The following LMCD1 variants were observed in gnomAD, a reference collection of about 807,000 sequenced individuals.
LMCD1 encodes LIM and cysteine rich domains 1.
Under a neutral mutation model 42.7 loss-of-function variants are expected in LMCD1, and 32 were observed. The ratio of observed to expected loss-of-function variants is 0.75; its 90% CI spans 0.57 to 1.01. The LOEUF (loss-of-function observed/expected upper bound fraction) is 1.01, where lower values mean the gene tolerates loss of function less well. Among genes scored for constraint, LMCD1 ranks in the 50% least tolerant of loss-of-function variants. The pLI is 0.00. For missense variants in LMCD1, 458 were observed against 483.1 expected (o/e 0.95, Z 0.49); for synonymous variants, 178 against 184.9 (o/e 0.96, Z 0.30).
chr3:8,533,177 G>A (rs111677542), intron 2 of LMCD1, among the ~76,000 whole-genome samples: 470 of 152,202 alleles, frequency 3.1e-3, no homozygotes, highest in Non-Finnish European at 4.9e-3. Flanking sequence ...TGGATGGGGT[G>A]ATCTCCCCTC....
chr3:8,554,783 T>C (rs1694901482), intron 4 of LMCD1, among the ~76,000 whole-genome samples: 1 of 152,198 alleles, frequency 6.6e-6, no homozygotes, highest in Non-Finnish European at 1.5e-5. Context: ...CTGAATATTT[T>C]CTCAGAAATT....
chr3:8,547,598 A>C (rs1379306460), intron 3 of LMCD1, among the ~76,000 whole-genome samples: 2 of 152,180 alleles, frequency 1.3e-5, no homozygotes, highest in Admixed American at 1.3e-4. Flanking sequence ...AATGTCAAAG[A>C]ATGCACTTAC....
chr3:8,530,954 T>G (rs1694400382), intron 1 of LMCD1, among the ~76,000 whole-genome samples: 1 of 152,208 alleles, frequency 6.6e-6, no homozygotes, highest in Non-Finnish European at 1.5e-5. Context: ...TGACTCTCAC[T>G]CCCTGAAGCT....
intron 3 of LMCD1, among the ~76,000 whole-genome samples, chr3:8,545,781 C>T (rs1694722820): frequency 6.6e-6 from 1 of 152,184 alleles, no homozygotes; most frequent in Non-Finnish European, 1.5e-5. Flanking sequence ...ACTACTTTGA[C>T]ATATGTAGCT....
chr3:8,553,684 G>A (rs1014984802), intron 4 of LMCD1, among the ~76,000 whole-genome samples: 6 of 152,216 alleles, frequency 3.9e-5, no homozygotes, highest in African/African-American at 1.4e-4. Context: ...AGCTGTGGCT[G>A]TCCATGCCTA....
chr3:8,507,122 T>C (rs895361913), intron 1 of LMCD1, among the ~76,000 whole-genome samples: 2 of 152,232 alleles, frequency 1.3e-5, no homozygotes, highest in African/African-American at 4.8e-5. Context: ...CCAGCCACTT[T>C]TGCAGGACTC....
At chr3:8,555,330 G>T (rs1209513880) in intron 4 of LMCD1, among the ~76,000 whole-genome samples, 18 of 152,288 alleles carry the variant, frequency 1.2e-4, no homozygotes, top group Non-Finnish European at 2.5e-4. Context: ...TGTGGGCTCG[G>T]CAGGCAGGCT....
intron 3 of LMCD1, among the ~76,000 whole-genome samples, chr3:8,541,375 C>T: frequency 6.6e-6 from 1 of 152,052 alleles, no homozygotes; most frequent in Non-Finnish European, 1.5e-5. Context: ...CATGGTGAAA[C>T]CCCTCTCTAC....
chr3:8,562,213 T>A (rs1351445912), intron 4 of LMCD1, among the ~76,000 whole-genome samples: 1 of 152,142 alleles, frequency 6.6e-6, no homozygotes, highest in Non-Finnish European at 1.5e-5. Flanking sequence ...TTACTGGCAG[T>A]AAAAGACAGA....
chr3:8,520,529 T>G (rs1694184634), intron 1 of LMCD1, among the ~76,000 whole-genome samples: 1 of 152,156 alleles, frequency 6.6e-6, no homozygotes. Context: ...ACAGGGACCT[T>G]ATTTTCTTCT....
chr3:8,562,992 A>G (rs965837829), intron 4 of LMCD1, among the ~76,000 whole-genome samples: 19 of 152,218 alleles, frequency 1.2e-4, no homozygotes, highest in African/African-American at 4.6e-4. Context: ...CTTAGTCTAA[A>G]CCTGTCTCTA....
intron 2 of LMCD1, among the ~76,000 whole-genome samples, chr3:8,535,609 T>A (rs1403720431): frequency 6.6e-6 from 1 of 152,200 alleles, no homozygotes; most frequent in African/African-American, 2.4e-5. Flanking sequence ...GCACCAAGCC[T>A]TTTTCTATGT....
rs935660037 is a variant in LMCD1 at position 8,572,002 on chromosome 3, G to T, written c.*4404G>T. ...CATGTAATCCTCAGATCCAATTCAA[G>T]TGTCACCAGCTGTCCCAATAATGTC... On this transcript the variant is annotated 3_prime_UTR_variant, in exon 6 of 6. Coordinates refer to ENST00000157600, the MANE Select transcript of LMCD1 (RefSeq NM_014583.4). The T allele has an allele frequency of 1.3e-5, 2 of 152,198 alleles. No homozygotes were observed. Among genetic ancestry groups the T allele is most frequent in the Non-Finnish European group, 2.9e-5 (2 of 68,036 alleles). 9.4% of individuals were successfully genotyped at this position (152,198 alleles called of 1,614,324 possible).
intron 1 of LMCD1, among the ~76,000 whole-genome samples, chr3:8,502,877 C>G (rs1344831480): frequency 6.6e-6 from 1 of 152,118 alleles, no homozygotes; most frequent in African/African-American, 2.4e-5. Context: ...ACAACCTAGG[C>G]TTTACAGATC....
At chr3:8,541,274 G>A (rs758049045) in intron 3 of LMCD1, among the ~76,000 whole-genome samples, 20 of 152,178 alleles carry the variant, frequency 1.3e-4, no homozygotes, top group African/African-American at 4.8e-4. Flanking sequence ...AGGGGGCCAG[G>A]TGCAGTGGCT....
At chr3:8,552,056 G>A (rs973976063) in intron 4 of LMCD1, among the ~76,000 whole-genome samples, 16 of 152,184 alleles carry the variant, frequency 1.1e-4, no homozygotes, top group Non-Finnish European at 1.5e-4. Flanking sequence ...ATGAACATAC[G>A]GGAACTGTAT....
In LMCD1 at chr3:8,527,255, A is replaced by G. The variant is rs138804163; in HGVS notation, c.43-5482A>G. 2.9e-3 allele frequency among the ~76,000 whole-genome samples: 447 copies of G among 152,334 alleles called. 3 individuals are homozygous for G. The highest frequency in any genetic ancestry group is 0.01 in the African/African-American group (424 of 41,574). On this transcript the variant is annotated intron_variant, in intron 1 of 5. Coordinates refer to ENST00000157600, the MANE Select transcript of LMCD1 (RefSeq NM_014583.4). ...AAAACACTTTTGATTAAAGGCCAGT[A>G]TAGGAAAAGGTAGATTTAGGATACC...
At position 8,537,779 on chromosome 3, in the gene LMCD1, T is replaced by C. The variant is rs1002243300; in HGVS notation, c.387+339T>C. Among the ~76,000 whole-genome samples the C allele has an allele frequency of 2.0e-5, 3 of 152,222 alleles. No individual in the cohort carries two copies. The East Asian group carries it at 5.8e-4, about 29-fold the overall frequency. ...TCAAAATTCTGAGTGCTTATCTCCA[T>C]CTGCAAGATATTCATTTTCCCTTGA... is the stretch of plus-strand genomic sequence containing the variant. On this transcript the variant is annotated intron_variant, in intron 3 of 5. Transcript: ENST00000157600.
rs1384194533 is a variant in LMCD1, at chr3:8,572,377, T to C, written c.*4779T>C. On this transcript the variant is annotated 3_prime_UTR_variant, in exon 6 of 6. Transcript: ENST00000157600. The stretch of plus-strand genomic sequence containing the variant: ...TGCCAGTATCAGCCAGATTTTTCCA[T>C]TGTAAAGTCATTCCTTTGTCCTTTG... 6.6e-6 allele frequency: 1 copy of C among 152,242 alleles called. No homozygotes were observed. Among genetic ancestry groups the C allele is most frequent in the Admixed American group, 6.5e-5 (1 of 15,290 alleles). 9.4% of individuals were successfully genotyped at this position (152,242 alleles called of 1,614,324 possible). A position where few individuals can be genotyped will look rare whatever the true frequency, so the allele number is the denominator to read the frequency against.
Sources: allele counts gnomAD v4.1 joint callset (sites outside exome capture counted in the v4.1 genomes callset), GRCh38; gene constraint gnomAD v4.1.1; transcripts MANE v1.5; gene names NCBI Gene and HGNC (gene_info 2026-07-23, HGNC 2026-07-21).